FRMD4A: variants seen among roughly 807,000 people sequenced by gnomAD.
The protein encoded by FRMD4A is FERM domain-containing protein 4A.
FRMD4A carries 29 observed loss-of-function variants against 129.1 expected under a neutral mutation model. That is an observed-to-expected ratio of 0.22 (90% confidence interval 0.17 to 0.31). FRMD4A has a LOEUF of 0.31. Ranked by LOEUF, FRMD4A falls within the 10% of genes least tolerant of loss-of-function variation. The pLI is 1.00. For missense variants in FRMD4A, 1,272 were observed against 1,375.8 expected (o/e 0.92, Z 1.19); for synonymous variants, 634 against 571.6 (o/e 1.11, Z -1.56).
rs34559071 is a variant in FRMD4A at position 13,878,222 on chromosome 10, CAAA to C, written c.46-19313_46-19311del. ...TAATTACTGTGTTGACTACTTGTAGCAAAAAAAAAAAAAAAAAAAAAGCTGAAA... is the reference window on the plus strand; with the variant it reads ...TAATTACTGTGTTGACTACTTGTAGCAAAAAAAAAAAAAAAAAAGCTGAAA... On this transcript the variant is annotated intron_variant, in intron 2 of 24. Transcript: ENST00000357447. 4.2e-3 allele frequency among the ~76,000 whole-genome samples: 384 copies of C among 91,316 alleles called. 1 individual carries two copies. The highest frequency in any genetic ancestry group is 0.014 in the African/African-American group (339 of 24,682). The allele number at this position is 91,316 out of a possible 152,430, so 59.9% of individuals were successfully genotyped here.
At chr10:14,262,253 C>T (rs1004375086) in intron 2 of FRMD4A, among the ~76,000 whole-genome samples, 1 of 152,146 alleles carries the variant, frequency 6.6e-6, no homozygotes, top group African/African-American at 2.4e-5. Context: ...ACCTACTTAG[C>T]CCGGTTATCT....
Position 14,067,260 on chromosome 10 carries a change from G to T in FRMD4A, c.46-208348C>A, listed in dbSNP as rs557885696. 2.8e-4 allele frequency among the ~76,000 whole-genome samples: 43 copies of T among 152,118 alleles called. 1 individual carries two copies. In the South Asian group the frequency reaches 8.5e-3, roughly 30 times the overall value. On this transcript the variant is annotated intron_variant, in intron 2 of 24. Coordinates refer to ENST00000357447, the MANE Select transcript of FRMD4A (RefSeq NM_018027.5). ...GAACCCAGGAGGTAGGGGCTGCAGT[G>T]AGCCGAGACCATGCCATTGCACTCC...
At chr10:13,807,501 G>A (rs2093375311) in intron 4 of FRMD4A, among the ~76,000 whole-genome samples, 1 of 152,166 alleles carries the variant, frequency 6.6e-6, no homozygotes, top group Non-Finnish European at 1.5e-5. Flanking sequence ...CAAAACTAAA[G>A]TTAAAAGATT....
intron 2 of FRMD4A, among the ~76,000 whole-genome samples, chr10:14,239,779 A>G (rs565411098): frequency 1.3e-5 from 2 of 152,360 alleles, no homozygotes; most frequent in African/African-American, 4.8e-5. Flanking sequence ...GGAACAGAGA[A>G]TAGGAGAAAG....
chr10:14,233,679 A>G (rs910315546), intron 2 of FRMD4A, among the ~76,000 whole-genome samples: 3 of 152,252 alleles, frequency 2.0e-5, no homozygotes, highest in Admixed American at 6.5e-5. Context: ...CTGGAAAATA[A>G]TAAAAACAGG....
At chr10:13,865,021 C>T (rs753059251) in intron 2 of FRMD4A, among the ~76,000 whole-genome samples, 10 of 152,102 alleles carry the variant, frequency 6.6e-5, no homozygotes, top group Non-Finnish European at 1.5e-4. Context: ...GTTGTCCAGG[C>T]TGGTGTGCAA....
At chr10:14,184,131 T>C (rs1397511494) in intron 2 of FRMD4A, among the ~76,000 whole-genome samples, 18 of 116,546 alleles carry the variant, frequency 1.5e-4, no homozygotes, top group South Asian at 6.0e-4. Context: ...TTTTCTTTTT[T>C]TTTTTTTTTT....
At chr10:13,652,014 C>T in intron 23 of FRMD4A, 40 bp from the exon 24 acceptor site, 1 of 1,073,926 alleles carries the variant, frequency 9.3e-7, no homozygotes, top group Non-Finnish European at 1.5e-6. Flanking sequence ...GAAGAGAGGT[C>T]ATGTTACAGA....
intron 2 of FRMD4A, among the ~76,000 whole-genome samples, chr10:14,143,757 G>A (rs1839948196): frequency 6.6e-6 from 1 of 152,018 alleles, no homozygotes; most frequent in Non-Finnish European, 1.5e-5. Flanking sequence ...TGGGATTACA[G>A]GTACCCACCA....
chr10:13,994,514 G>A (rs1300932598), intron 2 of FRMD4A, among the ~76,000 whole-genome samples: 1 of 152,050 alleles, frequency 6.6e-6, no homozygotes, highest in Non-Finnish European at 1.5e-5. Context: ...TAGAGACACG[G>A]TTTCACCATG....
At chr10:13,769,241 G>A (rs997479437) in intron 6 of FRMD4A, among the ~76,000 whole-genome samples, 8 of 150,490 alleles carry the variant, frequency 5.3e-5, no homozygotes, top group Admixed American at 2.7e-4. Flanking sequence ...GTGTGTGTGC[G>A]TATGTGTGTG....
chr10:14,329,998 C>T (rs1315996797), intron 2 of FRMD4A, 60 bp downstream of exon 2: 12 of 1,477,170 alleles, frequency 8.1e-6, no homozygotes, highest in Non-Finnish European at 1.0e-5. Flanking sequence ...CAGCAGCCCA[C>T]GGTGCAGGGG....
chr10:13,823,262 A>C (rs1166550582), intron 3 of FRMD4A, among the ~76,000 whole-genome samples: 1 of 152,108 alleles, frequency 6.6e-6, no homozygotes, highest in African/African-American at 2.4e-5. Context: ...GGACTCTGGG[A>C]GGCGGGCAGG....
At chr10:13,978,563 T>A (rs183131592) in intron 2 of FRMD4A, among the ~76,000 whole-genome samples, 211 of 152,250 alleles carry the variant, frequency 1.4e-3, no homozygotes, top group African/African-American at 4.9e-3. Context: ...GTGGGTGATA[T>A]GCAAAACCCA....
intron 2 of FRMD4A, chr10:14,008,249 A>G: frequency 9.0e-7 from 1 of 1,117,116 alleles, no homozygotes; most frequent in Non-Finnish European, 1.1e-6. Flanking sequence ...CCTCAAAAAT[A>G]AGTTATGGTC....
intron 2 of FRMD4A, among the ~76,000 whole-genome samples, chr10:14,324,922 A>G (rs1364438142): frequency 6.6e-6 from 1 of 152,152 alleles, no homozygotes; most frequent in Non-Finnish European, 1.5e-5. Flanking sequence ...CAGCTTCCCA[A>G]AGTGCTGGGA....
At chr10:14,309,023 C>T (rs945045353) in intron 2 of FRMD4A, among the ~76,000 whole-genome samples, 2 of 152,160 alleles carry the variant, frequency 1.3e-5, no homozygotes, top group Admixed American at 6.5e-5. Flanking sequence ...CTTCCGTCTC[C>T]GTTTTTGTTG....
chr10:14,293,620 G>GAAA (rs368317603), intron 2 of FRMD4A, among the ~76,000 whole-genome samples: 45,173 of 146,752 alleles, frequency 0.31, 7,127 homozygotes, highest in Middle Eastern at 0.37. Flanking sequence ...TGAAGATAGA[G>GAAA]AAAAAAAAAA....
chr10:13,651,907 A>G lies in FRMD4A; in HGVS notation c.3118T>C (p.Ter1040GlnextTer35). The change falls in exon 24 of 25, where the codon TAG (stop) becomes CAG (glutamine). Residue 1040 changes from the stop codon to glutamine, a stop_lost. Coordinates refer to ENST00000357447, the MANE Select transcript of FRMD4A (RefSeq NM_018027.5). ...ESPPHQSTDE[*>Q] ...ACAAAACTCCCCTTACGGTACCTCT[A>G]TTCATCAGTACTTTGGTGAGGTGGA... The G allele has an allele frequency of 6.6e-7, 1 of 1,508,636 alleles. No homozygotes were observed. 93.5% of individuals were successfully genotyped at this position (1,508,636 alleles called of 1,614,324 possible).
Sources: gnomAD v4.1 joint callset for allele counts (sites outside exome capture counted in the v4.1 genomes callset) on GRCh38, gnomAD v4.1.1 for gene constraint, MANE v1.5 for transcripts, NCBI Gene and HGNC (gene_info 2026-07-23, HGNC 2026-07-21) for gene names.